Variants in BRD10 observed in about 807,000 individuals in gnomAD.
The protein encoded by BRD10 is bromodomain containing 10.
chr9:5,948,124 C>G, the BRD10 span, among the ~76,000 whole-genome samples: 1 of 152,146 alleles, frequency 6.6e-6, no homozygotes, highest in Admixed American at 6.6e-5. Context: ...GGCAGAGCTA[C>G]AAAATCACAG....
chr9:5,944,913 G>A, the BRD10 span: 6 of 1,543,230 alleles, frequency 3.9e-6, no homozygotes, highest in African/African-American at 2.7e-5. Flanking sequence ...GTTCATTCTC[G>A]ATTTTTGTGA....
At chr9:5,933,985 T>G in the BRD10 span, 15 of 347,984 alleles carry the variant, frequency 4.3e-5, no homozygotes, top group African/African-American at 3.2e-4. Flanking sequence ...TACATTAAAC[T>G]TAGGTGAAAG....
chr9:6,007,099 G>C, the BRD10 span: 1 of 1,281,248 alleles, frequency 7.8e-7, no homozygotes, highest in African/African-American at 1.5e-5. Flanking sequence ...ACCTATCAGC[G>C]CCGCCCCCAG....
chr9:5,917,028 G>C, the BRD10 span, among the ~76,000 whole-genome samples: 1 of 152,276 alleles, frequency 6.6e-6, no homozygotes, highest in African/African-American at 2.4e-5. Flanking sequence ...TGGAGCATTA[G>C]TTTTAAAAAG....
the BRD10 span, among the ~76,000 whole-genome samples, chr9:5,941,113 A>G: frequency 6.6e-6 from 1 of 152,140 alleles, no homozygotes; most frequent in Non-Finnish European, 1.5e-5. Context: ...TATGAGGGAA[A>G]AGGGGATTAT....
the BRD10 span, chr9:5,969,243 G>A: frequency 1.9e-6 from 3 of 1,613,698 alleles, no homozygotes; most frequent in South Asian, 1.1e-5. Flanking sequence ...AGAAGACAAC[G>A]TTCCAATTCG....
chr9:5,894,329 A>G, the BRD10 span, among the ~76,000 whole-genome samples: 5 of 152,140 alleles, frequency 3.3e-5, no homozygotes, highest in Non-Finnish European at 7.3e-5. This position sits in a 1 kb window ranked among gnomAD's most constrained non-coding sequence, Gnocchi z 4.0. Context: ...AGACTTTAAT[A>G]TAAGAAGCTG....
chr9:5,897,732 G>C, the BRD10 span: 3 of 1,215,824 alleles, frequency 2.5e-6, no homozygotes, highest in Middle Eastern at 1.9e-4. Context: ...TCTCTGGAGA[G>C]TCAGATAATT....
chr9:5,937,004 G>T, the BRD10 span, among the ~76,000 whole-genome samples: 1 of 152,138 alleles, frequency 6.6e-6, no homozygotes, highest in Non-Finnish European at 1.5e-5. Context: ...GGCTGAGGTG[G>T]GTGGATCACA....
the BRD10 span, among the ~76,000 whole-genome samples, chr9:5,950,147 C>G: frequency 6.6e-6 from 1 of 152,186 alleles, no homozygotes; most frequent in Non-Finnish European, 1.5e-5. Flanking sequence ...TTTTCAAATT[C>G]TTGTAGGCTT....
the BRD10 span, among the ~76,000 whole-genome samples, chr9:5,977,713 T>G: frequency 3.3e-5 from 5 of 152,164 alleles, no homozygotes; most frequent in African/African-American, 7.2e-5. Flanking sequence ...CAAGCGCCTG[T>G]AGTCCCAGCT....
the BRD10 span, chr9:5,919,993 T>C: frequency 6.2e-7 from 1 of 1,614,018 alleles, no homozygotes; most frequent in Non-Finnish European, 8.5e-7. Flanking sequence ...AAGTCAGTGA[T>C]ACTGTTGGTA....
chr9:5,985,211 A>AAAT, the BRD10 span, among the ~76,000 whole-genome samples: 1 of 152,198 alleles, frequency 6.6e-6, no homozygotes, highest in Non-Finnish European at 1.5e-5. Flanking sequence ...CCATATGGAA[A>AAAT]AAAGTAAAGT....
chr9:5,928,148 A>G, the BRD10 span, among the ~76,000 whole-genome samples: 10 of 151,996 alleles, frequency 6.6e-5, no homozygotes, highest in African/African-American at 2.4e-4. Flanking sequence ...CATCTTTTTC[A>G]TTCCTCACTT....
chr9:5,924,524 A>T, the BRD10 span: 1 of 491,484 alleles, frequency 2.0e-6, no homozygotes, highest in Non-Finnish European at 3.5e-6. Context: ...GGATGTGGAC[A>T]CTACTTCTTC....
At chr9:5,973,977 T>C in the BRD10 span, among the ~76,000 whole-genome samples, 1 of 152,286 alleles carries the variant, frequency 6.6e-6, no homozygotes, top group East Asian at 1.9e-4. Context: ...GTGATGGTGA[T>C]AGTTGAAGAC....
At chr9:6,003,798 T>G in the BRD10 span, among the ~76,000 whole-genome samples, 1 of 152,040 alleles carries the variant, frequency 6.6e-6, no homozygotes, top group African/African-American at 2.4e-5. Flanking sequence ...ATAAATTATT[T>G]ATAGATTACA....
chr9:5,984,124 A>T, the BRD10 span, among the ~76,000 whole-genome samples: 1 of 152,184 alleles, frequency 6.6e-6, no homozygotes, highest in Non-Finnish European at 1.5e-5. Context: ...CTCTTTAGAC[A>T]GTAGAAAAAT....
At chr9:5,906,210 A>G in the BRD10 span, among the ~76,000 whole-genome samples, 1 of 151,570 alleles carries the variant, frequency 6.6e-6, no homozygotes, top group Non-Finnish European at 1.5e-5. Flanking sequence ...GAAAGAAAGA[A>G]AAACAAAGTT....
Sources: allele counts gnomAD v4.1 joint callset (sites outside exome capture counted in the v4.1 genomes callset), GRCh38; gene constraint gnomAD v4.1.1; non-coding constraint Gnocchi (gnomAD v3.1); transcripts MANE v1.5; gene names NCBI Gene and HGNC (gene_info 2026-07-23, HGNC 2026-07-21).